RNGTT: variants seen among roughly 807,000 people sequenced by gnomAD.
The protein encoded by RNGTT is mRNA-capping enzyme.
Under a neutral mutation model 79.3 loss-of-function variants are expected in RNGTT, and 33 were observed. The ratio of observed to expected loss-of-function variants is 0.42; its 90% CI spans 0.32 to 0.56. The LOEUF is 0.56. Ranked by LOEUF, RNGTT falls within the 20% of genes least tolerant of loss-of-function variation. The pLI, the probability that RNGTT is intolerant of heterozygous loss-of-function variation, is 0.17. For synonymous variants in RNGTT, 222 were observed against 235.9 expected (o/e 0.94, Z 0.54); for missense variants, 497 against 739.1 (o/e 0.67, Z 3.80).
intron 11 of RNGTT, among the ~76,000 whole-genome samples, chr6:88,832,585 G>T (rs187747563): frequency 6.6e-6 from 1 of 152,070 alleles, no homozygotes; most frequent in African/African-American, 2.4e-5. Flanking sequence ...TTGACAAGTG[G>T]GATCTAATTA....
intron 13 of RNGTT, among the ~76,000 whole-genome samples, chr6:88,729,004 G>C (rs1001815199): frequency 1.3e-5 from 2 of 152,162 alleles, no homozygotes; most frequent in Admixed American, 6.5e-5. Context: ...CCAGTCGACC[G>C]GGCGTGGGCT....
At chr6:88,767,913 A>G (rs1203331676) in intron 13 of RNGTT, among the ~76,000 whole-genome samples, 2 of 152,182 alleles carry the variant, frequency 1.3e-5, no homozygotes, top group Non-Finnish European at 1.5e-5. Context: ...CAACATATCA[A>G]TATTTATCCA....
At chr6:88,913,283 C>A (rs546012102) in intron 4 of RNGTT, among the ~76,000 whole-genome samples, 5 of 148,726 alleles carry the variant, frequency 3.4e-5, no homozygotes, top group Admixed American at 1.3e-4. Context: ...ACCAGAGATA[C>A]AAAGAAGAGC....
intron 13 of RNGTT, among the ~76,000 whole-genome samples, chr6:88,692,876 G>T (rs1187887179): frequency 1.3e-5 from 2 of 151,784 alleles, no homozygotes; most frequent in Non-Finnish European, 2.9e-5. Flanking sequence ...GCTGTTCACA[G>T]ACCATACAGC....
intron 12 of RNGTT, among the ~76,000 whole-genome samples, chr6:88,776,483 C>A (rs1389196038): frequency 1.3e-5 from 2 of 151,798 alleles, no homozygotes; most frequent in Non-Finnish European, 2.9e-5. Flanking sequence ...GCAGGCCCAG[C>A]TAATTTTGCA....
chr6:88,776,547 C>A (rs1778890746), intron 12 of RNGTT, among the ~76,000 whole-genome samples: 1 of 150,816 alleles, frequency 6.6e-6, no homozygotes, highest in Admixed American at 6.6e-5. Flanking sequence ...GTTGTTCAGG[C>A]TGGTCTCAAA....
chr6:88,875,880 C>A (rs1012628050), intron 8 of RNGTT, among the ~76,000 whole-genome samples: 2 of 152,050 alleles, frequency 1.3e-5, no homozygotes, highest in African/African-American at 4.8e-5. Flanking sequence ...GAAAAAAATT[C>A]ATTTTCCAAT....
At chr6:88,723,546 A>T (rs952835647) in intron 13 of RNGTT, among the ~76,000 whole-genome samples, 1 of 152,150 alleles carries the variant, frequency 6.6e-6, no homozygotes, top group Non-Finnish European at 1.5e-5. Flanking sequence ...AAATTCCTTT[A>T]CCACCTGTGT....
chr6:88,733,164 C>A (rs1042704452), intron 13 of RNGTT, among the ~76,000 whole-genome samples: 10 of 152,068 alleles, frequency 6.6e-5, no homozygotes, highest in African/African-American at 1.7e-4. Context: ...AGTTTGAGAT[C>A]AGCCTGGGCA....
At chr6:88,849,541 C>G (rs1226530224) in intron 10 of RNGTT, among the ~76,000 whole-genome samples, 1 of 151,514 alleles carries the variant, frequency 6.6e-6, no homozygotes, top group Non-Finnish European at 1.5e-5. Flanking sequence ...TACTCACTTG[C>G]AAGTTAAAGA....
At chr6:88,672,918 C>T (rs952868938) in intron 14 of RNGTT, among the ~76,000 whole-genome samples, 4 of 152,002 alleles carry the variant, frequency 2.6e-5, no homozygotes, top group Non-Finnish European at 5.9e-5. Context: ...AATTGTAATG[C>T]TCCATTTTAT....
intron 13 of RNGTT, among the ~76,000 whole-genome samples, chr6:88,708,471 C>A (rs1214210079): frequency 1.3e-5 from 2 of 152,028 alleles, no homozygotes; most frequent in Non-Finnish European, 2.9e-5. Flanking sequence ...TTCTGTTTCT[C>A]TCTCCTCCTT....
chr6:88,957,628 TA>T (rs150367722), intron 1 of RNGTT, among the ~76,000 whole-genome samples: 2,871 of 151,662 alleles, frequency 0.019, 81 homozygotes, highest in African/African-American at 0.066. Flanking sequence ...AACAGCTGCA[TA>T]AAAAAAATAA....
At chr6:88,914,591 A>G (rs1783938838) in intron 4 of RNGTT, among the ~76,000 whole-genome samples, 2 of 152,212 alleles carry the variant, frequency 1.3e-5, no homozygotes, top group Non-Finnish European at 2.9e-5. Flanking sequence ...CCATATGCAG[A>G]AGAATTAAAC....
chr6:88,916,522 T>C (rs1562318521), intron 4 of RNGTT, among the ~76,000 whole-genome samples: 3 of 152,204 alleles, frequency 2.0e-5, no homozygotes, highest in Non-Finnish European at 2.9e-5. Flanking sequence ...TGCTGTTTTA[T>C]ATAAAATTAT....
intron 13 of RNGTT, among the ~76,000 whole-genome samples, chr6:88,727,315 T>C (rs1033471078): frequency 2.6e-5 from 4 of 152,206 alleles, no homozygotes; most frequent in Non-Finnish European, 4.4e-5. Flanking sequence ...TTTACATACA[T>C]TAAAAGGTTA....
chr6:88,910,034 G>A (rs1783782262), intron 4 of RNGTT, among the ~76,000 whole-genome samples: 1 of 151,486 alleles, frequency 6.6e-6, no homozygotes. Context: ...AGTTCCCTCA[G>A]ATGAGAAGTA....
chr6:88,954,455 C>T (rs982396322), intron 1 of RNGTT, among the ~76,000 whole-genome samples: 2 of 152,042 alleles, frequency 1.3e-5, no homozygotes, highest in Non-Finnish European at 2.9e-5. Flanking sequence ...TATATATGCA[C>T]CTAACCCTGG....
At chr6:88,692,198 GC>G (rs1456695815) in intron 13 of RNGTT, among the ~76,000 whole-genome samples, 1 of 152,082 alleles carries the variant, frequency 6.6e-6, no homozygotes, top group Non-Finnish European at 1.5e-5. Flanking sequence ...GACTACTCTG[GC>G]TTACTACCTG....
Sources: gnomAD v4.1 joint callset for allele counts (sites outside exome capture counted in the v4.1 genomes callset) on GRCh38, gnomAD v4.1.1 for gene constraint, MANE v1.5 for transcripts, NCBI Gene and HGNC (gene_info 2026-07-23, HGNC 2026-07-21) for gene names.